The following KREMEN1 variants were observed in gnomAD, a reference collection of about 807,000 sequenced individuals.
KREMEN1 encodes kringle containing transmembrane protein 1.
In KREMEN1, 30 loss-of-function variants were observed where a neutral mutation model predicts 46.5. The ratio of observed to expected loss-of-function variants is 0.65; its 90% confidence interval spans 0.48 to 0.88. The LOEUF (loss-of-function observed/expected upper bound fraction) is 0.88. KREMEN1 is among the 40% of genes least tolerant of loss of function. The pLI, the probability that KREMEN1 is intolerant of heterozygous loss-of-function variation, is 0.00. For missense variants in KREMEN1, 533 were observed against 596.9 expected (o/e 0.89, Z 1.11); for synonymous variants, 214 against 230.6 (o/e 0.93, Z 0.65).
exon 10 of KREMEN1, chr22:29,167,288 G>A (rs1383232301): frequency 6.5e-6 from 4 of 619,106 alleles, no homozygotes; most frequent in African/African-American, 1.8e-5. Context: ...GAGCCCAGGA[G>A]GTCGAGGCTG....
chr22:29,091,374 G>A (rs956276932), intron 1 of KREMEN1, among the ~76,000 whole-genome samples: 2 of 152,112 alleles, frequency 1.3e-5, no homozygotes, highest in Non-Finnish European at 2.9e-5. Context: ...GCTATGTATA[G>A]CTAAGACCTT....
chr22:29,120,322 G>T (rs940919392), intron 3 of KREMEN1, among the ~76,000 whole-genome samples: 2 of 146,502 alleles, frequency 1.4e-5, no homozygotes, highest in African/African-American at 5.1e-5. Context: ...GGAGGGAGAG[G>T]TGATGATGGA....
At chr22:29,119,440 G>A (rs143913686) in intron 3 of KREMEN1, among the ~76,000 whole-genome samples, 1 of 152,358 alleles carries the variant, frequency 6.6e-6, no homozygotes, top group Non-Finnish European at 1.5e-5. Context: ...CCTGGAGGAT[G>A]TGGGGGTGTG....
chr22:29,134,263 T>G (rs1475047893), intron 5 of KREMEN1: 2 of 151,980 alleles, frequency 1.3e-5, no homozygotes, highest in Non-Finnish European at 2.9e-5. Flanking sequence ...GCTCAAGTGA[T>G]CCTCCTGCGT....
At chr22:29,157,026 A>T (rs1352074871) in intron 9 of KREMEN1, among the ~76,000 whole-genome samples, 1 of 152,218 alleles carries the variant, frequency 6.6e-6, no homozygotes, top group Non-Finnish European at 1.5e-5. Context: ...AAGTGGGGGT[A>T]AAGATGGACT....
chr22:29,125,962 T>G (rs963329349), intron 5 of KREMEN1, among the ~76,000 whole-genome samples: 3 of 151,448 alleles, frequency 2.0e-5, no homozygotes, highest in African/African-American at 4.9e-5. Flanking sequence ...AGAATGGGAG[T>G]GGATCCAGGG....
intron 3 of KREMEN1, among the ~76,000 whole-genome samples, chr22:29,111,195 C>T (rs1158817572): frequency 6.6e-6 from 1 of 151,796 alleles, no homozygotes; most frequent in Admixed American, 6.6e-5. Flanking sequence ...GTAGTCCCAG[C>T]TACTCGGGAG....
chr22:29,164,757 C>CAA (rs1221123419), intron 9 of KREMEN1, among the ~76,000 whole-genome samples: 4 of 129,398 alleles, frequency 3.1e-5, no homozygotes, highest in Admixed American at 2.6e-4. Context: ...AAAAAAAAAA[C>CAA]AAAAAAAAAA....
intron 1 of KREMEN1, among the ~76,000 whole-genome samples, chr22:29,085,273 A>G (rs1000794671): frequency 5.9e-5 from 9 of 152,218 alleles, no homozygotes; most frequent in Non-Finnish European, 1.5e-5. Context: ...AGTCCCATGT[A>G]TCTATCTCCC....
In KREMEN1 at chr22:29,166,533, C is replaced by G. The variant is rs890677406; in HGVS notation, c.1417-511C>G. On this transcript the variant is annotated intron_variant, in intron 9 of 9. Coordinates refer to the KREMEN1 transcript ENST00000327813. ...CCCAAATTAAGGAATTGATCATCCA[C>G]TTAGTAATAGTTTAGAACCTTTAGA... Among the ~76,000 whole-genome samples the G allele has an allele frequency of 1.6e-4, 25 of 152,332 alleles. 1 individual carries two copies. The highest frequency in any genetic ancestry group is 1.6e-3 in the Admixed American group (25 of 15,296).
intron 9 of KREMEN1, among the ~76,000 whole-genome samples, chr22:29,158,028 T>G (rs2038978680): frequency 6.6e-6 from 1 of 152,158 alleles, no homozygotes. Context: ...CCAGGAGTTG[T>G]GTACAATGAA....
chr22:29,168,246 A>G (rs1212476374), exon 10 of KREMEN1: 1 of 151,376 alleles, frequency 6.6e-6, no homozygotes, highest in Non-Finnish European at 1.5e-5. Context: ...AGGCACAAGA[A>G]TTGCTTGAAC....
rs575879114 is a variant in KREMEN1, at chr22:29,094,884, A to C, written c.260+464A>C. Among the ~76,000 whole-genome samples, 10 of 152,198 alleles carry C rather than the reference A, an allele frequency of 6.6e-5. No individual in the cohort carries two copies. The East Asian group carries it at 1.9e-3, about 29-fold the overall frequency. Reference sequence around the variant, plus strand: ...TGTGATCCGCCCGCCTCAGCCTCCCAAAGTGCTGGGGTTACAGGCGTGAGC... The same window carrying C: ...TGTGATCCGCCCGCCTCAGCCTCCCCAAGTGCTGGGGTTACAGGCGTGAGC... On this transcript the variant is annotated intron_variant, in intron 2 of 8. Transcript: ENST00000400335.
intron 7 of KREMEN1, 88 bp downstream of exon 7, chr22:29,138,870 G>A (rs2038714541): frequency 1.3e-6 from 2 of 1,587,536 alleles, no homozygotes; most frequent in South Asian, 1.1e-5. Flanking sequence ...AAAAGCACTT[G>A]GGTGTTTCTT....
intron 9 of KREMEN1, among the ~76,000 whole-genome samples, chr22:29,158,338 G>C (rs944372404): frequency 2.0e-5 from 3 of 152,222 alleles, no homozygotes; most frequent in African/African-American, 7.2e-5. Flanking sequence ...AAGACATCAA[G>C]GGGAGGCCAC....
chr22:29,097,481 A>G (rs1460863678), intron 2 of KREMEN1, among the ~76,000 whole-genome samples: 3 of 152,236 alleles, frequency 2.0e-5, no homozygotes, highest in Non-Finnish European at 4.4e-5. Context: ...TGAGACTCTG[A>G]CGCAGTTTTC....
intron 5 of KREMEN1, chr22:29,134,225 A>T (rs1352130175): frequency 6.6e-6 from 1 of 151,712 alleles, no homozygotes; most frequent in Non-Finnish European, 1.5e-5. Flanking sequence ...TGGTGCAATC[A>T]TAGCTCTCTG....
At chr22:29,090,933 A>C (rs1256174213) in intron 1 of KREMEN1, among the ~76,000 whole-genome samples, 1 of 152,174 alleles carries the variant, frequency 6.6e-6, no homozygotes, top group East Asian at 1.9e-4. Flanking sequence ...CCACTCTCAG[A>C]TGCCATCTCG....
At chr22:29,093,612 A>G (rs2037834104) in intron 1 of KREMEN1, among the ~76,000 whole-genome samples, 1 of 152,214 alleles carries the variant, frequency 6.6e-6, no homozygotes, top group South Asian at 2.1e-4. Context: ...GAAAGAGGTG[A>G]GAGAAAATGC....
Sources: allele counts gnomAD v4.1 joint callset (sites outside exome capture counted in the v4.1 genomes callset), GRCh38; gene constraint gnomAD v4.1.1; transcripts MANE v1.5; gene names NCBI Gene and HGNC (gene_info 2026-07-23, HGNC 2026-07-21).